The following FAM169A variants were observed in gnomAD, a reference collection of about 807,000 sequenced individuals.
FAM169A encodes soluble lamin-associated protein of 75 kDa.
A neutral mutation model predicts 75.7 loss-of-function variants in FAM169A; 24 were observed. The observed-to-expected ratio is 0.32, with a 90% CI of 0.23 to 0.45. The LOEUF is 0.45. FAM169A is among the 20% of genes least tolerant of loss of function. The pLI is 1.00. For synonymous variants in FAM169A, 271 were observed against 271.0 expected, an observed-to-expected ratio of 1.00 and a Z score of 0.00; for missense variants, 673 against 784.0, an observed-to-expected ratio of 0.86 and a Z score of 1.69.
chr5:74,799,469 C>T, intron 10 of FAM169A: 1 of 1,610,310 alleles, frequency 6.2e-7, no homozygotes, highest in Non-Finnish European at 8.5e-7. Context: ...TTGCTGGCAG[C>T]AGGATCATGT....
chr5:74,814,072 TAC>T (rs1188648510), intron 5 of FAM169A, 53 bp from the exon 6 acceptor site: 1 of 1,376,128 alleles, frequency 7.3e-7, no homozygotes, highest in Non-Finnish European at 9.7e-7. Flanking sequence ...AAAATATACA[TAC>T]ATTTAGTGAC....
chr5:74,794,002 C>CAA (rs1276485325), intron 11 of FAM169A, among the ~76,000 whole-genome samples: 13 of 50,722 alleles, frequency 2.6e-4, no homozygotes, highest in African/African-American at 7.0e-4. Context: ...GACTCCATCT[C>CAA]AAAAAAAAAA....
intron 1 of FAM169A, among the ~76,000 whole-genome samples, chr5:74,855,183 T>C (rs1319917511): frequency 6.6e-6 from 1 of 152,088 alleles, no homozygotes; most frequent in Non-Finnish European, 1.5e-5. Flanking sequence ...CTCACTGTAG[T>C]TTGTTTTTTG....
At chr5:74,810,380 T>C (rs1265935237) in intron 6 of FAM169A, among the ~76,000 whole-genome samples, 1 of 152,008 alleles carries the variant, frequency 6.6e-6, no homozygotes, top group Non-Finnish European at 1.5e-5. Context: ...TCTATCTAGG[T>C]TGCGTCTACA....
At chr5:74,844,753 T>C (rs939407837) in intron 1 of FAM169A, among the ~76,000 whole-genome samples, 2 of 151,530 alleles carry the variant, frequency 1.3e-5, no homozygotes, top group Admixed American at 1.3e-4. Flanking sequence ...GGAGGTGGAG[T>C]GTACGGTGAG....
At chr5:74,849,578 T>C (rs1257962379) in intron 1 of FAM169A, among the ~76,000 whole-genome samples, 3 of 152,102 alleles carry the variant, frequency 2.0e-5, no homozygotes, top group Non-Finnish European at 2.9e-5. Context: ...GAGAATAGGT[T>C]AGGTATCCAG....
At chr5:74,845,584 AATATGTACATTTC>A (rs1215503743) in intron 1 of FAM169A, among the ~76,000 whole-genome samples, 2 of 152,232 alleles carry the variant, frequency 1.3e-5, no homozygotes, top group African/African-American at 4.8e-5. Context: ...ATTTTATATA[AATATGTACATTTC>A]TACATCAAAT....
At chr5:74,834,950 C>T (rs573776684) in intron 4 of FAM169A, among the ~76,000 whole-genome samples, 36 of 149,942 alleles carry the variant, frequency 2.4e-4, no homozygotes, top group Middle Eastern at 3.5e-3. Flanking sequence ...ACCCTAATCA[C>T]AGCCCTCACT....
chr5:74,789,498 C>T (rs1227127849), intron 11 of FAM169A, among the ~76,000 whole-genome samples: 4 of 152,222 alleles, frequency 2.6e-5, no homozygotes, highest in Admixed American at 6.5e-5. Flanking sequence ...GCCCATTTAT[C>T]GAGTGACCCA....
intron 1 of FAM169A, among the ~76,000 whole-genome samples, chr5:74,853,819 T>C (rs1259534259): frequency 6.6e-6 from 1 of 150,438 alleles, no homozygotes; most frequent in African/African-American, 2.4e-5. Flanking sequence ...GCCATTCTCC[T>C]GCCTCAGCCT....
rs1580062373 is a variant in FAM169A, at chr5:74,778,591, A to G, written c.*2869T>C. The G allele has an allele frequency of 2.4e-5, 3 of 125,122 alleles. No homozygotes were observed. In the East Asian group the frequency reaches 6.1e-4, roughly 25 times the overall value. 7.8% of individuals were successfully genotyped at this position (125,122 alleles called of 1,614,324 possible). A position where few individuals can be genotyped will look rare whatever the true frequency, so the allele number is the denominator to read the frequency against. On this transcript the variant is annotated 3_prime_UTR_variant, in exon 13 of 13. Transcript: ENST00000687041. ...CTGACGTTCTAAATCATGCTGTTTG[A>G]TTTTATAAAAAAATCATAATAGACC...
At chr5:74,837,165 T>C (rs1395057787) in intron 4 of FAM169A, among the ~76,000 whole-genome samples, 1 of 152,178 alleles carries the variant, frequency 6.6e-6, no homozygotes, top group African/African-American at 2.4e-5. Flanking sequence ...ATCTATAATA[T>C]GCCAAACCTC....
At position 74,840,183 on chromosome 5, in the gene FAM169A, C is replaced by A. The variant is rs1748783315; in HGVS notation, c.133-10G>T. ...ACAGGCTAATAGGAATCTGAAATGA[C>A]AAATTAATAAAGATTAGTGAACAGT... On this transcript the variant is annotated splice_polypyrimidine_tract_variant and intron_variant, in intron 2 of 12. Coordinates refer to ENST00000687041, the MANE Select transcript of FAM169A (RefSeq NM_001376049.1). 1.5e-6 allele frequency: 2 copies of A among 1,365,138 alleles called. No individual in the cohort carries two copies. Among genetic ancestry groups the A allele is most frequent in the Admixed American group, 2.1e-5 (1 of 48,058 alleles). 84.6% of individuals were successfully genotyped at this position (1,365,138 alleles called of 1,614,324 possible).
At chr5:74,827,323 A>G (rs922689664) in intron 5 of FAM169A, among the ~76,000 whole-genome samples, 1 of 152,156 alleles carries the variant, frequency 6.6e-6, no homozygotes. Context: ...CATCCATTGA[A>G]CAAACTATTC....
chr5:74,779,202 T>C lies in FAM169A; in HGVS notation c.*2258A>G, dbSNP rs1314653300. 1.3e-5 allele frequency: 2 copies of C among 152,170 alleles called. No individual in the cohort carries two copies. Among genetic ancestry groups the C allele is most frequent in the Non-Finnish European group, 2.9e-5 (2 of 67,998 alleles). 9.4% of individuals were successfully genotyped at this position (152,170 alleles called of 1,614,324 possible). On this transcript the variant is annotated 3_prime_UTR_variant, in exon 13 of 13. Coordinates refer to ENST00000687041, the MANE Select transcript of FAM169A (RefSeq NM_001376049.1). ...ATACTGTTAGCCCCCAATGGTCATA[T>C]ATGATTAATAAACATTTTTTGTAAA... is the stretch of plus-strand genomic sequence containing the variant.
chr5:74,831,753 G>C (rs1748321728), intron 5 of FAM169A, among the ~76,000 whole-genome samples: 1 of 152,120 alleles, frequency 6.6e-6, no homozygotes, highest in African/African-American at 2.4e-5. Flanking sequence ...CGACTTGTGA[G>C]GAGTGTGGTA....
chr5:74,809,383 A>G (rs1445709740), intron 6 of FAM169A, among the ~76,000 whole-genome samples: 3 of 152,096 alleles, frequency 2.0e-5, no homozygotes, highest in African/African-American at 7.2e-5. Flanking sequence ...TCACGAGGTC[A>G]GGAGATCGAG....
At position 74,866,355 on chromosome 5, in the gene FAM169A, G is replaced by A. The variant is rs867500360; in HGVS notation, c.-194C>T. On this transcript the variant is annotated 5_prime_UTR_variant, in exon 1 of 13. Transcript: ENST00000687041. ...CGGCTCCTCGTCGCGGGTCGGCCGC[G>A]GCCCACCGTGCCCTCCGACGACGTG... is the stretch of plus-strand genomic sequence containing the variant. 15 of 984,292 alleles carry A rather than the reference G, an allele frequency of 1.5e-5. No homozygotes were observed. In the South Asian group the frequency reaches 5.6e-4, roughly 37 times the overall value. The allele number at this position is 984,292 out of a possible 1,614,324, so 61.0% of individuals were successfully genotyped here.
intron 4 of FAM169A, among the ~76,000 whole-genome samples, chr5:74,835,561 C>A (rs1469613203): frequency 6.9e-6 from 1 of 145,342 alleles, no homozygotes. Flanking sequence ...GTGACTGCAC[C>A]ACCGCACTCC....
Sources: gnomAD v4.1 joint callset for allele counts (sites outside exome capture counted in the v4.1 genomes callset) on GRCh38, gnomAD v4.1.1 for gene constraint, MANE v1.5 for transcripts, NCBI Gene and HGNC (gene_info 2026-07-23, HGNC 2026-07-21) for gene names.